Variants in TCHP observed in about 807,000 individuals in gnomAD.
TCHP encodes trichoplein keratin filament binding.
TCHP carries 81 observed loss-of-function variants against 88.7 expected under a neutral mutation model. The observed-to-expected ratio is 0.91, with a 90% confidence interval of 0.76 to 1.10. The LOEUF (loss-of-function observed/expected upper bound fraction) is 1.10. TCHP is among the 50% of genes least tolerant of loss of function. The probability of loss-of-function intolerance (pLI) is 0.00; values close to 1 mark genes in which losing one functional copy is unlikely to be tolerated. For missense variants in TCHP, 641 were observed against 632.1 expected (o/e 1.01, Z -0.15); for synonymous variants, 232 against 232.5 (o/e 1.00, Z 0.02).
upstream of TCHP, among the ~76,000 whole-genome samples, chr12:109,899,845 C>A: frequency 6.6e-6 from 1 of 151,986 alleles, no homozygotes; most frequent in South Asian, 2.1e-4. Context: ...GTCACCCAGG[C>A]TGGAGTGCAG....
At chr12:109,901,545 A>G (rs959561344) in intron 1 of TCHP, among the ~76,000 whole-genome samples, 3 of 152,228 alleles carry the variant, frequency 2.0e-5, no homozygotes, top group African/African-American at 7.2e-5. Context: ...AGGTACTGAA[A>G]CAAGCAATGT....
At chr12:109,890,271 C>G in the TCHP span, among the ~76,000 whole-genome samples, 2 of 149,066 alleles carry the variant, frequency 1.3e-5, no homozygotes, top group African/African-American at 2.5e-5. Flanking sequence ...AATGAACCAA[C>G]CTGTGCAACA....
chr12:109,911,392 G>A (rs887603149), intron 9 of TCHP, among the ~76,000 whole-genome samples, 157 bp downstream of exon 9: 6 of 151,978 alleles, frequency 3.9e-5, no homozygotes, highest in Admixed American at 3.9e-4. Flanking sequence ...CAGGTGGATC[G>A]CTTGAGCCTA....
upstream of TCHP, among the ~76,000 whole-genome samples, chr12:109,895,394 G>C (rs905143014): frequency 6.6e-6 from 1 of 151,816 alleles, no homozygotes; most frequent in Non-Finnish European, 1.5e-5. Flanking sequence ...AAAAATTTGG[G>C]TGGAGATGGG....
At chr12:109,889,384 A>C in the TCHP span, among the ~76,000 whole-genome samples, 3 of 151,098 alleles carry the variant, frequency 2.0e-5, no homozygotes, top group East Asian at 3.9e-4. Context: ...GAGGCAGGAG[A>C]ATGGCATGAA....
At chr12:109,914,300 C>A in intron 10 of TCHP, 142 bp from the exon 11 acceptor site, 1 of 673,798 alleles carries the variant, frequency 1.5e-6, no homozygotes, top group Non-Finnish European at 2.5e-6. Context: ...ATCCTGTCAT[C>A]TGGCTCTGCC....
upstream of TCHP, among the ~76,000 whole-genome samples, chr12:109,896,976 A>G (rs1296678037): frequency 6.6e-6 from 1 of 152,176 alleles, no homozygotes; most frequent in Non-Finnish European, 1.5e-5. Flanking sequence ...CTTACCACAT[A>G]CAAGGCATGG....
chr12:109,890,950 T>C, the TCHP span, among the ~76,000 whole-genome samples: 1 of 152,236 alleles, frequency 6.6e-6, no homozygotes, highest in Admixed American at 6.5e-5. Context: ...ATGAATCATG[T>C]ATGAATCTGA....
intron 12 of TCHP, 78 bp from the exon 13 acceptor site, chr12:109,916,513 G>A (rs1870823169): frequency 2.1e-6 from 3 of 1,416,492 alleles, no homozygotes; most frequent in Non-Finnish European, 2.9e-6. Flanking sequence ...CTTTTAGCTT[G>A]TAGTTAAAAC....
the TCHP span, among the ~76,000 whole-genome samples, chr12:109,891,282 C>T: frequency 0.02 from 3,053 of 152,054 alleles, 108 homozygotes; most frequent in African/African-American, 0.069. Context: ...TTGTAACTTT[C>T]GCTTATTTTT....
At position 109,914,451 on chromosome 12, in the gene TCHP, G is replaced by A; in HGVS notation, c.1144G>A (p.Gly382Arg). 1 of 1,612,174 alleles carries A rather than the reference G, an allele frequency of 6.2e-7. No individual in the cohort carries two copies. The highest frequency in any genetic ancestry group is 8.5e-7 in the Non-Finnish European group (1 of 1,178,574). ...TTTCTGCTGAGGTTAGGTTCTGACA[G>A]GGAGACAACAGCAAATACAAGAGAA... Reference protein sequence around the residue: ...RDRLMSEVLTGRQQQIQEKIE... With the variant: ...RDRLMSEVLTRRQQQIQEKIE... Residue 382 changes from glycine (G) to arginine (R), a missense_variant, in exon 11 of 13, where the codon GGG (glycine) becomes AGG (arginine). Coordinates refer to ENST00000405876, the MANE Select transcript of TCHP (RefSeq NM_001143852.2).
the TCHP span, among the ~76,000 whole-genome samples, chr12:109,894,328 T>C: frequency 3.3e-5 from 5 of 149,824 alleles, no homozygotes; most frequent in African/African-American, 1.2e-4. Flanking sequence ...GGCGTGGTGG[T>C]GGGCACCTGT....
intron 10 of TCHP, among the ~76,000 whole-genome samples, chr12:109,913,946 C>G (rs973550270): frequency 3.3e-5 from 5 of 152,220 alleles, no homozygotes; most frequent in African/African-American, 1.2e-4. Flanking sequence ...GTTTTCTGCT[C>G]CTGACTGTGG....
At position 109,908,588 on chromosome 12, in the gene TCHP, G is replaced by A. The variant is rs764438577; in HGVS notation, c.702G>A (p.Ala234=). ...MEELKLKEVE[A]TKLKKEQENL... is the part of the protein sequence containing the mutation. The stretch of plus-strand genomic sequence containing the variant: ...GCTTACTCTCATCATCACCACAGGC[G>A]ACCAAACTAAAGAAGGAGCAGGAGA... The change falls in exon 7 of 13, where the codon GCG becomes GCA. Residue 234 remains alanine (A), a splice_region_variant and synonymous_variant. Transcript: ENST00000405876. 17 of 1,595,770 alleles carry A rather than the reference G, an allele frequency of 1.1e-5. No homozygotes were observed. Among genetic ancestry groups the A allele is most frequent in the African/African-American group, 2.7e-5 (2 of 74,854 alleles).
At chr12:109,891,154 A>G in the TCHP span, among the ~76,000 whole-genome samples, 1 of 152,230 alleles carries the variant, frequency 6.6e-6, no homozygotes, top group South Asian at 2.1e-4. Flanking sequence ...CTACCTGTAC[A>G]GTTTTGATTC....
At position 109,918,023 on chromosome 12, in the gene TCHP, A is replaced by G. The variant is rs1870912106; in HGVS notation, c.*1400A>G. ...ACGCATGCTCTCTGTTGCGTTCCCCATTTCAGATGTCCAGTAATGGTGAAA... is the reference window on the plus strand; with the variant it reads ...ACGCATGCTCTCTGTTGCGTTCCCCGTTTCAGATGTCCAGTAATGGTGAAA... On this transcript the variant is annotated 3_prime_UTR_variant, in exon 13 of 13. Transcript: ENST00000405876. 1 of 152,090 alleles carries G rather than the reference A, an allele frequency of 6.6e-6. No homozygotes were observed. The highest frequency in any genetic ancestry group is 2.4e-5 in the African/African-American group (1 of 41,396). The allele number at this position is 152,090 out of a possible 1,614,324, so 9.4% of individuals were successfully genotyped here.
chr12:109,891,585 A>G, the TCHP span, among the ~76,000 whole-genome samples: 1 of 150,034 alleles, frequency 6.7e-6, no homozygotes, highest in Non-Finnish European at 1.5e-5. Flanking sequence ...TTTTTTTAGT[A>G]GAGACTGGTT....
chr12:109,882,492 A>G, the TCHP span, among the ~76,000 whole-genome samples: 2 of 151,258 alleles, frequency 1.3e-5, no homozygotes, highest in East Asian at 3.9e-4. Flanking sequence ...AAGGTAACAA[A>G]GAGCTTAGTG....
rs1350693704 is a variant in TCHP at position 109,905,099 on chromosome 12, CTGGGCCAGCCTGAGAGGATGAGCA to C, written c.456+316_456+339del. The C allele has an allele frequency of 5.3e-6, 2 of 378,676 alleles. No individual in the cohort carries two copies. The highest frequency in any genetic ancestry group is 4.1e-5 in the African/African-American group (2 of 48,568). The allele number at this position is 378,676 out of a possible 1,614,324, so 23.5% of individuals were successfully genotyped here. A position where few individuals can be genotyped will look rare whatever the true frequency, so the allele number is the denominator to read the frequency against. On this transcript the variant is annotated intron_variant, in intron 4 of 12. Coordinates refer to ENST00000405876, the MANE Select transcript of TCHP (RefSeq NM_001143852.2). This position sits in a 1 kb window ranked among gnomAD's most constrained non-coding sequence, Gnocchi z 4.0. ...TCATTACAGGGCAGGATGCAGGGTG[CTGGGCCAGCCTGAGAGGATGAGCA>C]TGGGCCAGCGCACTCAACTCTGGAG... is the stretch of plus-strand genomic sequence containing the variant.
Sources: gnomAD v4.1 joint callset for allele counts (sites outside exome capture counted in the v4.1 genomes callset) on GRCh38, gnomAD v4.1.1 for gene constraint, Gnocchi (gnomAD v3.1) non-coding constraint, MANE v1.5 for transcripts, NCBI Gene and HGNC (gene_info 2026-07-23, HGNC 2026-07-21) for gene names.